CTBP2: variants seen among roughly 807,000 people sequenced by gnomAD.
CTBP2 encodes C-terminal binding protein 2, also known as C-terminal-binding protein 2.
In CTBP2, 30 loss-of-function variants were observed where a neutral mutation model predicts 80.3. The ratio of observed to expected loss-of-function variants is 0.37; its 90% confidence interval spans 0.28 to 0.51. The LOEUF is 0.51. CTBP2 is among the 20% of genes least tolerant of loss of function. The pLI, the probability that CTBP2 is intolerant of heterozygous loss-of-function variation, is 0.93. For missense variants in CTBP2, 1,212 were observed against 1,375.3 expected (o/e 0.88, Z 1.88); for synonymous variants, 594 against 587.4 (o/e 1.01, Z -0.16).
intron 2 of CTBP2, among the ~76,000 whole-genome samples, chr10:125,071,841 G>A (rs1020849105): frequency 6.6e-6 from 1 of 152,056 alleles, no homozygotes; most frequent in African/African-American, 2.4e-5. Flanking sequence ...CTTTGCAAAT[G>A]CTGCAGATTA....
At chr10:124,993,700 G>C (rs573870747) in intron 6 of CTBP2, among the ~76,000 whole-genome samples, 155 bp downstream of exon 8, 6 of 152,194 alleles carry the variant, frequency 3.9e-5, no homozygotes, top group South Asian at 2.1e-4. Flanking sequence ...TTAGAATACA[G>C]CACAATCCTT....
At chr10:124,993,718 C>G in intron 6 of CTBP2, 137 bp downstream of exon 8, 1 of 1,127,992 alleles carries the variant, frequency 8.9e-7, no homozygotes, top group Admixed American at 2.3e-5. Flanking sequence ...CTTAGAAGAA[C>G]AGAGACTGTA....
chr10:125,097,672 CGT>C (rs1849742723), intron 2 of CTBP2, among the ~76,000 whole-genome samples: 1 of 148,424 alleles, frequency 6.7e-6, no homozygotes, highest in African/African-American at 2.4e-5. Flanking sequence ...TGTGTGCACA[CGT>C]GTGAGCATGC....
rs1268931912 is a variant in CTBP2, at chr10:124,988,184, A to G, written c.*1334T>C. 1 of 152,638 alleles carries G rather than the reference A, an allele frequency of 6.6e-6. No homozygotes were observed. Among genetic ancestry groups the G allele is most frequent in the Non-Finnish European group, 1.5e-5 (1 of 68,048 alleles). 9.5% of individuals were successfully genotyped at this position (152,638 alleles called of 1,614,324 possible). On this transcript the variant is annotated 3_prime_UTR_variant, in exon 9 of 9. Coordinates refer to ENST00000309035, the MANE Select transcript of CTBP2 (RefSeq NM_022802.3). ...TTTCAATTAAACTTTTTGTTATCACAGGTAATTAATTGTCAGCGGTCTTGA... is the reference window on the plus strand; with the variant it reads ...TTTCAATTAAACTTTTTGTTATCACGGGTAATTAATTGTCAGCGGTCTTGA...
chr10:125,070,126 C>T (rs1027290937), intron 2 of CTBP2, among the ~76,000 whole-genome samples: 1 of 78,328 alleles, frequency 1.3e-5, no homozygotes, highest in East Asian at 3.5e-4. Context: ...CCGAGGCAGG[C>T]GGATCACAAA....
chr10:125,064,493 T>C (rs1441686685), intron 2 of CTBP2, among the ~76,000 whole-genome samples: 1 of 152,160 alleles, frequency 6.6e-6, no homozygotes, highest in Non-Finnish European at 1.5e-5. Flanking sequence ...AGAATAGCAG[T>C]TCTACTTCTC....
chr10:125,118,810 G>C (rs982642684), intron 1 of CTBP2, among the ~76,000 whole-genome samples: 1 of 152,220 alleles, frequency 6.6e-6, no homozygotes, highest in African/African-American at 2.4e-5. Flanking sequence ...GCGCAGCTCC[G>C]AAAGACAAGT....
chr10:125,132,234 T>C (rs556498144), intron 1 of CTBP2, among the ~76,000 whole-genome samples: 1 of 152,288 alleles, frequency 6.6e-6, no homozygotes, highest in South Asian at 2.1e-4. Flanking sequence ...AGGTTCATGT[T>C]CTTCAAGTCT....
chr10:125,098,688 G>GACAGAGAGAGAGAC (rs766378456), intron 2 of CTBP2, among the ~76,000 whole-genome samples: 1 of 119,850 alleles, frequency 8.3e-6, no homozygotes. Context: ...GAGAGAGAGA[G>GACAGAGAGAGAGAC]AGAGAGAGAG....
intron 2 of CTBP2, among the ~76,000 whole-genome samples, chr10:125,098,077 C>T (rs1343535454): frequency 6.6e-6 from 1 of 152,172 alleles, no homozygotes; most frequent in Non-Finnish European, 1.5e-5. Context: ...ACCGAGATCG[C>T]ACCACTGCAC....
intron 1 of CTBP2, among the ~76,000 whole-genome samples, chr10:125,012,174 G>A (rs1956001419): frequency 6.6e-6 from 1 of 152,268 alleles, no homozygotes; most frequent in Non-Finnish European, 1.5e-5. Flanking sequence ...CTACGTGTGC[G>A]AGATTTCCCC....
intron 2 of CTBP2, among the ~76,000 whole-genome samples, chr10:125,082,589 C>CTTTTTTTTT (rs71486514): frequency 7.6e-6 from 1 of 131,066 alleles, no homozygotes. Context: ...CAGCTTTCCT[C>CTTTTTTTTT]TTTTTTTTTT....
chr10:125,107,008 G>C (rs1157822235), intron 2 of CTBP2, among the ~76,000 whole-genome samples: 2 of 152,224 alleles, frequency 1.3e-5, no homozygotes, highest in African/African-American at 4.8e-5. Context: ...GAGATGCTCA[G>C]GAGAGAAGAA....
chr10:125,005,592 C>A, intron 1 of CTBP2: 4 of 1,612,678 alleles, frequency 2.5e-6, no homozygotes, highest in Non-Finnish European at 3.4e-6. Flanking sequence ...CAGCACAAAG[C>A]TGGATACCCC....
At chr10:125,084,241 C>T (rs971154175) in intron 2 of CTBP2, among the ~76,000 whole-genome samples, 5 of 152,352 alleles carry the variant, frequency 3.3e-5, no homozygotes, top group African/African-American at 1.2e-4. Context: ...AGGTGTGAGC[C>T]ACTGTGAGCC....
intron 2 of CTBP2, among the ~76,000 whole-genome samples, chr10:125,043,382 C>A (rs1443157487): frequency 2.6e-5 from 4 of 152,206 alleles, no homozygotes; most frequent in Admixed American, 1.3e-4. Flanking sequence ...TTACACAGCA[C>A]AAAAACCTGG....
intron 1 of CTBP2, among the ~76,000 whole-genome samples, chr10:125,145,970 C>A (rs929439357): frequency 1.3e-5 from 2 of 151,644 alleles, no homozygotes; most frequent in African/African-American, 4.9e-5. Context: ...GTTGCCCACG[C>A]TGGAGTGCAA....
At chr10:124,991,865 A>G (rs1370343006) in intron 8 of CTBP2, among the ~76,000 whole-genome samples, 1 of 122,362 alleles carries the variant, frequency 8.2e-6, no homozygotes, top group African/African-American at 3.0e-5. Context: ...TGAGGGGGCT[A>G]CTGATTTTCC....
At chr10:125,058,507 C>T (rs1964386015) in intron 2 of CTBP2, among the ~76,000 whole-genome samples, 1 of 152,106 alleles carries the variant, frequency 6.6e-6, no homozygotes, top group Non-Finnish European at 1.5e-5. Context: ...AATGTGAAGC[C>T]ACGGCCGGGC....
Sources: gnomAD v4.1 joint callset for allele counts (sites outside exome capture counted in the v4.1 genomes callset) on GRCh38, gnomAD v4.1.1 for gene constraint, MANE v1.5 for transcripts, NCBI Gene and HGNC (gene_info 2026-07-23, HGNC 2026-07-21) for gene names.